Variants in NDUFAF7 observed in about 807,000 individuals in gnomAD.
The protein encoded by NDUFAF7 is protein arginine methyltransferase NDUFAF7, mitochondrial.
Under a neutral mutation model 47.2 loss-of-function variants are expected in NDUFAF7, and 48 were observed. The ratio of observed to expected loss-of-function variants is 1.02; its 90% CI spans 0.81 to 1.29. NDUFAF7 has a LOEUF of 1.29. Ranked by LOEUF, NDUFAF7 falls within the 50% of genes most tolerant of loss-of-function variation. The pLI is 0.00. For synonymous variants in NDUFAF7, 217 were observed against 190.0 expected (o/e 1.14, Z -1.17); for missense variants, 635 against 537.6 (o/e 1.18, Z -1.79).
At chr2:37,232,030 T>C (rs1304026164) in intron 1 of NDUFAF7, 76 bp from the exon 2 acceptor site, 39 of 1,611,956 alleles carry the variant, frequency 2.4e-5, no homozygotes, top group Non-Finnish European at 3.1e-5. Context: ...GAAGCTGTTT[T>C]GAAAACGCTC....
intron 4 of NDUFAF7, among the ~76,000 whole-genome samples, chr2:37,240,693 A>G (rs1268213000): frequency 6.6e-6 from 1 of 152,194 alleles, no homozygotes; most frequent in Non-Finnish European, 1.5e-5. Context: ...AGTTGATTCC[A>G]GAGCCCTTAA....
At chr2:37,243,216 C>T (rs910955036) in intron 6 of NDUFAF7, among the ~76,000 whole-genome samples, 14 of 151,410 alleles carry the variant, frequency 9.2e-5, no homozygotes, top group Admixed American at 3.3e-4. Context: ...TTTGGGAGGG[C>T]GAGGTGGGTG....
chr2:37,240,886 GA>G (rs1666269916), intron 4 of NDUFAF7, among the ~76,000 whole-genome samples: 1 of 152,064 alleles, frequency 6.6e-6, no homozygotes, highest in African/African-American at 2.4e-5. Flanking sequence ...ACTAAATTTG[GA>G]AAAATCATCT....
chr2:37,256,638 T>TAA (rs1558522243), downstream of NDUFAF7: 6 of 1,195,322 alleles, frequency 5.0e-6, no homozygotes, highest in African/African-American at 1.0e-4. Context: ...ATTTTTTTTT[T>TAA]TTTTTTTTTT....
chr2:37,268,467 C>G, the NDUFAF7 span: 3 of 396,886 alleles, frequency 7.6e-6, no homozygotes, highest in Non-Finnish European at 1.5e-5. Context: ...GCTAGGAATA[C>G]AAAGAAGATC....
At position 37,248,563 on chromosome 2, in the gene NDUFAF7, G is replaced by C; in HGVS notation, c.*213G>C. ...TGTGCTCAAGCTAATAAGTTATTGT[G>C]AAACTGAGTTTCCTTTAACTTACAA... On this transcript the variant is annotated 3_prime_UTR_variant, in exon 10 of 10. Coordinates refer to ENST00000002125, the MANE Select transcript of NDUFAF7 (RefSeq NM_144736.5). 1.7e-6 allele frequency: 1 copy of C among 573,940 alleles called. No individual in the cohort carries two copies. The highest frequency in any genetic ancestry group is 3.1e-6 in the Non-Finnish European group (1 of 322,672). The allele number at this position is 573,940 out of a possible 1,614,324, so 35.6% of individuals were successfully genotyped here.
chr2:37,269,624 C>T, the NDUFAF7 span: 2 of 1,611,262 alleles, frequency 1.2e-6, no homozygotes, highest in Non-Finnish European at 1.7e-6. Flanking sequence ...CCTCCATAAA[C>T]GATGCCAAAC....
At chr2:37,260,884 C>T in the NDUFAF7 span, among the ~76,000 whole-genome samples, 1 of 152,162 alleles carries the variant, frequency 6.6e-6, no homozygotes, top group African/African-American at 2.4e-5. Context: ...TCTCTACCCA[C>T]ATTATCATGT....
chr2:37,242,759 A>G (rs1572556163), intron 6 of NDUFAF7, 66 bp downstream of exon 6: 2 of 1,245,434 alleles, frequency 1.6e-6, no homozygotes, highest in Non-Finnish European at 1.2e-6. Context: ...GCCAATGTTT[A>G]TGGTATTTAT....
At chr2:37,267,899 A>T in the NDUFAF7 span, 1 of 215,222 alleles carries the variant, frequency 4.6e-6, no homozygotes, top group Admixed American at 5.9e-5. Context: ...TTCTAGATTC[A>T]ATGAGTCAGC....
intron 8 of NDUFAF7, 36 bp from the exon 9 acceptor site, chr2:37,247,420 A>T (rs1368427914): frequency 1.4e-5 from 22 of 1,612,766 alleles, no homozygotes; most frequent in Non-Finnish European, 1.9e-5. Context: ...CTTAATAACC[A>T]TAAAAGGGCA....
the NDUFAF7 span, among the ~76,000 whole-genome samples, chr2:37,262,843 C>T: frequency 6.6e-6 from 1 of 152,092 alleles, no homozygotes; most frequent in Non-Finnish European, 1.5e-5. Context: ...CCCATTTTCT[C>T]CAAGTTTCCA....
At chr2:37,262,760 C>T in the NDUFAF7 span, among the ~76,000 whole-genome samples, 2 of 152,138 alleles carry the variant, frequency 1.3e-5, no homozygotes, top group Admixed American at 6.5e-5. Context: ...CCCTTAACAA[C>T]TTCCTCTATT....
At chr2:37,268,354 ACTC>A in the NDUFAF7 span, 1 of 470,810 alleles carries the variant, frequency 2.1e-6, no homozygotes, top group Non-Finnish European at 4.4e-6. Flanking sequence ...AGATGTAACT[ACTC>A]TTAAAACTGA....
chr2:37,257,728 T>A (rs952526544), downstream of NDUFAF7, among the ~76,000 whole-genome samples: 1 of 151,522 alleles, frequency 6.6e-6, no homozygotes, highest in Non-Finnish European at 1.5e-5. Context: ...TTGTTTTGCT[T>A]AATCCTAGAA....
downstream of NDUFAF7, among the ~76,000 whole-genome samples, chr2:37,255,411 T>A (rs1259038079): frequency 1.3e-5 from 2 of 152,166 alleles, no homozygotes; most frequent in Non-Finnish European, 2.9e-5. Flanking sequence ...TTAAATAATG[T>A]TTTAAGTAGT....
chr2:37,252,852 T>TATATATAC, downstream of NDUFAF7: 1 of 148,570 alleles, frequency 6.7e-6, no homozygotes, highest in African/African-American at 2.4e-5. Flanking sequence ...TATATTTATA[T>TATATATAC]ATATATATAT....
chr2:37,258,778 A>G, the NDUFAF7 span, among the ~76,000 whole-genome samples: 1 of 152,222 alleles, frequency 6.6e-6, no homozygotes, highest in Non-Finnish European at 1.5e-5. Context: ...TTTTATTTGA[A>G]AAGACAATTT....
intron 2 of NDUFAF7, among the ~76,000 whole-genome samples, chr2:37,234,340 T>C (rs898792347): frequency 1.3e-5 from 2 of 152,154 alleles, no homozygotes; most frequent in Admixed American, 6.5e-5. Flanking sequence ...GATCCGCCTG[T>C]CTCAGCCTCC....
Sources: gnomAD v4.1 joint callset for allele counts (sites outside exome capture counted in the v4.1 genomes callset) on GRCh38, gnomAD v4.1.1 for gene constraint, MANE v1.5 for transcripts, NCBI Gene and HGNC (gene_info 2026-07-23, HGNC 2026-07-21) for gene names.